The following SEMA3A variants were observed in gnomAD, a reference collection of about 807,000 sequenced individuals.
The protein encoded by SEMA3A is semaphorin-3A.
Under a neutral mutation model 97.9 loss-of-function variants are expected in SEMA3A, and 29 were observed. The observed-to-expected ratio is 0.30, with a 90% CI of 0.22 to 0.40. SEMA3A has a LOEUF of 0.40. SEMA3A is among the 10% of genes least tolerant of loss of function. The pLI is 1.00. For missense variants in SEMA3A, 763 were observed against 951.3 expected (o/e 0.80, Z 2.60); for synonymous variants, 321 against 323.7 (o/e 0.99, Z 0.09).
chr7:84,086,261 C>T (rs1794336858), intron 4 of SEMA3A, among the ~76,000 whole-genome samples: 1 of 151,716 alleles, frequency 6.6e-6, no homozygotes, highest in South Asian at 2.1e-4. Context: ...GATGCTGGGT[C>T]CTGTGCTCGT....
At chr7:84,439,812 A>G (rs1228950) in intron 1 of SEMA3A, among the ~76,000 whole-genome samples, 27,245 of 152,206 alleles carry the variant, frequency 0.18, 2,591 homozygotes, top group Middle Eastern at 0.25. Flanking sequence ...AAATAGAAAC[A>G]AGGCAAATGG....
chr7:84,232,563 A>G (rs1468047401), intron 3 of SEMA3A, among the ~76,000 whole-genome samples: 2 of 151,812 alleles, frequency 1.3e-5, no homozygotes, highest in East Asian at 3.9e-4. Flanking sequence ...AATAAGAGCC[A>G]TACTATCCTT....
At chr7:84,344,158 T>C (rs1490008456) in intron 2 of SEMA3A, among the ~76,000 whole-genome samples, 1 of 152,186 alleles carries the variant, frequency 6.6e-6, no homozygotes, top group Non-Finnish European at 1.5e-5. Context: ...TTTGTTCAAA[T>C]GGAAATGTTT....
intron 6 of SEMA3A, among the ~76,000 whole-genome samples, chr7:84,026,939 C>A (rs971876822): frequency 6.6e-6 from 1 of 151,960 alleles, no homozygotes; most frequent in Admixed American, 6.6e-5. Context: ...GTACAACAAA[C>A]CCCTGTGACA....
At chr7:84,093,325 A>G (rs904615812) in intron 4 of SEMA3A, among the ~76,000 whole-genome samples, 2 of 152,200 alleles carry the variant, frequency 1.3e-5, no homozygotes, top group African/African-American at 4.8e-5. Context: ...CACTTACCAC[A>G]ATATGTGTAT....
At chr7:84,031,427 G>C (rs1386931788) in intron 6 of SEMA3A, among the ~76,000 whole-genome samples, 1 of 152,054 alleles carries the variant, frequency 6.6e-6, no homozygotes, top group Non-Finnish European at 1.5e-5. Flanking sequence ...TTCTATACAT[G>C]AGTCAAAGAT....
chr7:84,355,405 G>T (rs1802533372), intron 2 of SEMA3A, among the ~76,000 whole-genome samples: 1 of 151,822 alleles, frequency 6.6e-6, no homozygotes, highest in Non-Finnish European at 1.5e-5. Flanking sequence ...TGAGTCTTCA[G>T]TTATGTAGGA....
At chr7:84,185,108 C>T (rs914859088) in intron 1 of SEMA3A, among the ~76,000 whole-genome samples, 2 of 152,078 alleles carry the variant, frequency 1.3e-5, no homozygotes, top group Admixed American at 6.5e-5. Context: ...AGAAAAATAA[C>T]GGTATATGAC....
intron 3 of SEMA3A, among the ~76,000 whole-genome samples, chr7:84,115,709 A>T (rs1795403716): frequency 6.6e-6 from 1 of 152,142 alleles, no homozygotes; most frequent in Non-Finnish European, 1.5e-5. Flanking sequence ...ATATTGCAAT[A>T]AATGCAGACA....
intron 1 of SEMA3A, among the ~76,000 whole-genome samples, chr7:84,463,546 C>T (rs905544696): frequency 6.6e-6 from 1 of 152,046 alleles, no homozygotes; most frequent in Non-Finnish European, 1.5e-5. Context: ...CCGCGCCTGG[C>T]GTTTTTTTGT....
At chr7:84,039,117 A>G (rs955317078) in intron 6 of SEMA3A, among the ~76,000 whole-genome samples, 6 of 152,154 alleles carry the variant, frequency 3.9e-5, no homozygotes, top group Admixed American at 3.9e-4. Context: ...GTATATAGGT[A>G]ACAGCAGCAG....
intron 3 of SEMA3A, among the ~76,000 whole-genome samples, chr7:84,128,791 C>T (rs767255390): frequency 6.6e-6 from 1 of 152,098 alleles, no homozygotes; most frequent in Non-Finnish European, 1.5e-5. Flanking sequence ...ATTTTTTGAG[C>T]ACCCACATGA....
In SEMA3A at chr7:84,001,732, A is replaced by T. The variant is rs188987063; in HGVS notation, c.1452+223T>A. Among the ~76,000 whole-genome samples the T allele has an allele frequency of 4.3e-3, 654 of 152,142 alleles. 5 individuals are homozygous for T. The highest frequency in any genetic ancestry group is 0.015 in the African/African-American group (622 of 41,438). ...TAAATAATATATTTTATCATTGAGA[A>T]AACAAAATATGAGCCAAAAATACAT... On this transcript the variant is annotated intron_variant, in intron 12 of 16. Coordinates refer to ENST00000265362, the MANE Select transcript of SEMA3A (RefSeq NM_006080.3).
At chr7:84,458,682 T>C (rs935273514) in intron 1 of SEMA3A, among the ~76,000 whole-genome samples, 12 of 152,122 alleles carry the variant, frequency 7.9e-5, no homozygotes, top group African/African-American at 7.2e-5. Flanking sequence ...TTATTGCTTA[T>C]TGATATATCA....
chr7:84,190,620 C>G (rs1396953172), intron 1 of SEMA3A, among the ~76,000 whole-genome samples: 1 of 150,354 alleles, frequency 6.7e-6, no homozygotes, highest in East Asian at 1.9e-4. Context: ...GTAAGACTAG[C>G]CCTATCTTAT....
chr7:84,450,271 A>G (rs1805523264), intron 1 of SEMA3A, among the ~76,000 whole-genome samples: 1 of 152,062 alleles, frequency 6.6e-6, no homozygotes, highest in South Asian at 2.1e-4. Flanking sequence ...GATAACAGAC[A>G]TCTGCAGGAG....
intron 3 of SEMA3A, among the ~76,000 whole-genome samples, chr7:84,246,554 G>A (rs901344580): frequency 6.6e-6 from 1 of 151,944 alleles, no homozygotes; most frequent in Non-Finnish European, 1.5e-5. Context: ...AAATTCAACA[G>A]ATAAAATATA....
At chr7:84,011,962 T>C (rs188100118) in intron 7 of SEMA3A, among the ~76,000 whole-genome samples, 1 of 152,246 alleles carries the variant, frequency 6.6e-6, no homozygotes, top group East Asian at 1.9e-4. Flanking sequence ...GGGGACATTA[T>C]GTTAACAGAA....
upstream of SEMA3A, chr7:84,195,023 AAAGAGAG>A (rs1798179758): frequency 3.7e-5 from 4 of 109,580 alleles, no homozygotes; most frequent in Non-Finnish European, 6.0e-5. Context: ...AGAGAGAGAG[AAAGAGAG>A]AGAGAGAGAG....
Sources: allele counts gnomAD v4.1 joint callset (sites outside exome capture counted in the v4.1 genomes callset), GRCh38; gene constraint gnomAD v4.1.1; transcripts MANE v1.5; gene names NCBI Gene and HGNC (gene_info 2026-07-23, HGNC 2026-07-21).